SIPA1L1: variants seen among roughly 807,000 people sequenced by gnomAD.
The protein encoded by SIPA1L1 is signal induced proliferation associated 1 like 1, also known as signal-induced proliferation-associated 1-like protein 1.
In SIPA1L1, 26 loss-of-function variants were observed where a neutral mutation model predicts 162.7. That is an observed-to-expected ratio of 0.16 (90% CI 0.12 to 0.22). The LOEUF (loss-of-function observed/expected upper bound fraction) is 0.22. Ranked by LOEUF, SIPA1L1 falls within the 10% of genes least tolerant of loss-of-function variation. The pLI is 1.00. For missense variants in SIPA1L1, 1,874 were observed against 2,241.0 expected (o/e 0.84, Z 3.31); for synonymous variants, 829 against 837.4 (o/e 0.99, Z 0.17).
At chr14:71,429,044 A>G (rs1409685586) in intron 2 of SIPA1L1, among the ~76,000 whole-genome samples, 1 of 152,164 alleles carries the variant, frequency 6.6e-6, no homozygotes. Context: ...CAGATTCCTG[A>G]TACTTGCTAC....
intron 2 of SIPA1L1, among the ~76,000 whole-genome samples, chr14:71,495,206 T>A (rs1408066621): frequency 3.9e-5 from 6 of 152,202 alleles, no homozygotes; most frequent in Non-Finnish European, 7.3e-5. Context: ...ATTGGCATTG[T>A]TTCTTTATGT....
intron 22 of SIPA1L1, 43 bp from the exon 23 acceptor site, chr14:71,738,198 A>T: frequency 1.1e-6 from 1 of 938,342 alleles, no homozygotes; most frequent in Non-Finnish European, 1.6e-6. Context: ...AAACCCAGCC[A>T]TGGAGGCCCC....
intron 5 of SIPA1L1, among the ~76,000 whole-genome samples, chr14:71,611,556 T>C (rs886676467): frequency 4.8e-5 from 7 of 146,334 alleles, no homozygotes; most frequent in Non-Finnish European, 1.0e-4. Flanking sequence ...ATCCTCCCCT[T>C]GACCCCCACC....
At chr14:71,480,132 G>C (rs2048230066) in intron 2 of SIPA1L1, among the ~76,000 whole-genome samples, 1 of 151,338 alleles carries the variant, frequency 6.6e-6, no homozygotes, top group African/African-American at 2.4e-5. Context: ...GCCCAGGCTG[G>C]AGTGCAGTTG....
chr14:71,648,421 G>C (rs2042351699), intron 7 of SIPA1L1, among the ~76,000 whole-genome samples: 1 of 152,086 alleles, frequency 6.6e-6, no homozygotes, highest in East Asian at 1.9e-4. Flanking sequence ...TTTTTTGTTT[G>C]TTCATTTGTT....
intron 7 of SIPA1L1, among the ~76,000 whole-genome samples, chr14:71,641,655 G>A (rs11846689): frequency 0.28 from 42,696 of 152,116 alleles, 6,644 homozygotes; most frequent in East Asian, 0.68. Context: ...CCTGGGAGGC[G>A]GAGCTTGCAG....
rs1375309150 is a variant in SIPA1L1 at position 71,529,297 on chromosome 14, C to A, written c.-361-15C>A. ...TTGTGCACTTAACCAGGTTTTTTTT[C>A]TAATTTTATTTCAGGTTATACCTTA... On this transcript the variant is annotated splice_polypyrimidine_tract_variant and intron_variant, in intron 3 of 23. Coordinates refer to ENST00000381232, the MANE Select transcript of SIPA1L1 (RefSeq NM_001386936.1). 3.3e-6 allele frequency: 2 copies of A among 607,700 alleles called. No individual in the cohort carries two copies. Among genetic ancestry groups the A allele is most frequent in the Admixed American group, 5.6e-5 (2 of 35,506 alleles). 37.6% of individuals were successfully genotyped at this position (607,700 alleles called of 1,614,324 possible).
At chr14:71,529,702 C>T (rs919731294) in intron 4 of SIPA1L1, among the ~76,000 whole-genome samples, 1 of 152,222 alleles carries the variant, frequency 6.6e-6, no homozygotes, top group African/African-American at 2.4e-5. Context: ...GCAGCTCGCC[C>T]TGATTAGGAG....
At chr14:71,577,124 A>G (rs1386435456) in intron 4 of SIPA1L1, among the ~76,000 whole-genome samples, 1 of 151,692 alleles carries the variant, frequency 6.6e-6, no homozygotes, top group African/African-American at 2.4e-5. Flanking sequence ...TTGAGGAGCC[A>G]CTGAAGGTTC....
chr14:71,625,302 CT>C (rs550881711), intron 7 of SIPA1L1, among the ~76,000 whole-genome samples: 428 of 142,638 alleles, frequency 3.0e-3, no homozygotes, highest in African/African-American at 4.9e-3. Flanking sequence ...TCTCTCTTCT[CT>C]TTTTTTTTTT....
Position 71,685,621 on chromosome 14 carries a change from C to T in SIPA1L1, c.3364C>T (p.Leu1122=), listed in dbSNP as rs2046221203. 2 of 1,613,958 alleles carry T rather than the reference C, an allele frequency of 1.2e-6. No individual in the cohort carries two copies. The highest frequency in any genetic ancestry group is 1.7e-6 in the Non-Finnish European group (2 of 1,179,976). The change falls in exon 13 of 24, where the codon CTA becomes TTA. Residue 1122 remains leucine, a synonymous_variant. Coordinates refer to ENST00000381232, the MANE Select transcript of SIPA1L1 (RefSeq NM_001386936.1). ...PRSISSDGRP[L]ERRLSPGSDI... The stretch of plus-strand genomic sequence containing the variant: ...AAGCATCTCCAGTGACGGGCGCCCA[C>T]TAGAGAGGCGGTAAGTGTGCCTTCA...
intron 2 of SIPA1L1, among the ~76,000 whole-genome samples, chr14:71,490,276 G>T (rs2049136180): frequency 6.6e-6 from 1 of 151,938 alleles, no homozygotes; most frequent in Admixed American, 6.6e-5. Flanking sequence ...TTTTGATGTA[G>T]GAAAACCTGT....
At chr14:71,355,829 C>T (rs1263689756) in intron 2 of SIPA1L1, among the ~76,000 whole-genome samples, 1 of 152,158 alleles carries the variant, frequency 6.6e-6, no homozygotes, top group Non-Finnish European at 1.5e-5. Flanking sequence ...TTTTCAATCT[C>T]AGCTCTTGTA....
chr14:71,597,440 C>T (rs937243137), intron 5 of SIPA1L1, among the ~76,000 whole-genome samples: 3 of 151,770 alleles, frequency 2.0e-5, no homozygotes, highest in African/African-American at 7.3e-5. Flanking sequence ...TTTTCTTCTT[C>T]ATGCTGTTAG....
chr14:71,381,826 T>C (rs1329953426), intron 2 of SIPA1L1, among the ~76,000 whole-genome samples: 1 of 152,206 alleles, frequency 6.6e-6, no homozygotes, highest in Non-Finnish European at 1.5e-5. Flanking sequence ...ATTTCTGGTA[T>C]GATAACCTTA....
At chr14:71,448,542 G>C (rs565925952) in intron 2 of SIPA1L1, 2 of 152,326 alleles carry the variant, frequency 1.3e-5, no homozygotes, top group East Asian at 3.9e-4. Context: ...GAATTTTCAA[G>C]TTGGAATAAA....
At chr14:71,679,100 T>C (rs1180236552) in intron 12 of SIPA1L1, among the ~76,000 whole-genome samples, 1 of 151,928 alleles carries the variant, frequency 6.6e-6, no homozygotes, top group Non-Finnish European at 1.5e-5. Flanking sequence ...ACAAAGATAC[T>C]CCTCGAGAAG....
intron 6 of SIPA1L1, among the ~76,000 whole-genome samples, chr14:71,619,839 A>T (rs2039233952): frequency 6.6e-6 from 1 of 152,182 alleles, no homozygotes; most frequent in Admixed American, 6.5e-5. Context: ...GGGAAATTAA[A>T]TATAGGACTT....
Position 71,605,739 on chromosome 14 carries a change from A to G in SIPA1L1, c.1499-13018A>G, listed in dbSNP as rs550439977. On this transcript the variant is annotated intron_variant, in intron 5 of 23. Coordinates refer to ENST00000381232, the MANE Select transcript of SIPA1L1 (RefSeq NM_001386936.1). ...TTGCTGGTGCCTAGGAGGTGGGCCAATCGTCGAGTCCAGTGGTAGCAGTGT... is the reference window on the plus strand; with the variant it reads ...TTGCTGGTGCCTAGGAGGTGGGCCAGTCGTCGAGTCCAGTGGTAGCAGTGT... 4.6e-5 allele frequency among the ~76,000 whole-genome samples: 7 copies of G among 152,306 alleles called. No individual in the cohort carries two copies. The South Asian group carries it at 1.0e-3, about 23-fold the overall frequency.
Sources: gnomAD v4.1 joint callset for allele counts (sites outside exome capture counted in the v4.1 genomes callset) on GRCh38, gnomAD v4.1.1 for gene constraint, MANE v1.5 for transcripts, NCBI Gene and HGNC (gene_info 2026-07-23, HGNC 2026-07-21) for gene names.